SGCZ: variants seen among roughly 807,000 people sequenced by gnomAD.
The protein encoded by SGCZ is zeta-sarcoglycan.
In SGCZ, 40 loss-of-function variants were observed where a neutral mutation model predicts 41.3. That is an observed-to-expected ratio of 0.97 (90% CI 0.75 to 1.26). The LOEUF (loss-of-function observed/expected upper bound fraction) is 1.26. Among genes scored for constraint, SGCZ ranks in the 50% most tolerant of loss-of-function variants. The pLI is 0.00. For missense variants in SGCZ, 552 were observed against 369.8 expected (o/e 1.49, Z -4.04); for synonymous variants, 206 against 137.5 (o/e 1.50, Z -3.49).
intron 5 of SGCZ, among the ~76,000 whole-genome samples, chr8:14,139,623 C>T (rs1421855283): frequency 5.3e-5 from 8 of 152,100 alleles, no homozygotes; most frequent in African/African-American, 1.4e-4. Context: ...CATACACCCT[C>T]GCAAGACTAA....
At chr8:14,240,901 A>G (rs1214603341) in intron 3 of SGCZ, among the ~76,000 whole-genome samples, 3 of 152,202 alleles carry the variant, frequency 2.0e-5, no homozygotes, top group African/African-American at 7.2e-5. Flanking sequence ...AATACGTATA[A>G]TGATGAAAAA....
chr8:14,648,316 T>C (rs2117448625), intron 1 of SGCZ, among the ~76,000 whole-genome samples: 1 of 152,248 alleles, frequency 6.6e-6, no homozygotes, highest in South Asian at 2.1e-4. Flanking sequence ...TTTCATTCTG[T>C]AGCTTTGTAT....
intron 2 of SGCZ, among the ~76,000 whole-genome samples, chr8:14,447,524 G>T (rs747737439): frequency 9.2e-5 from 14 of 152,100 alleles, no homozygotes; most frequent in Non-Finnish European, 1.9e-4. Context: ...ATGTAATTAA[G>T]GAGTCAGTAG....
intron 4 of SGCZ, among the ~76,000 whole-genome samples, chr8:14,225,684 C>A (rs907058181): frequency 1.3e-5 from 2 of 151,992 alleles, no homozygotes; most frequent in African/African-American, 4.8e-5. Context: ...GTATAATGAG[C>A]ACATAACACA....
intron 2 of SGCZ, among the ~76,000 whole-genome samples, chr8:14,551,579 TAATATATATAATATATA>T (rs1803859389): frequency 3.4e-5 from 1 of 29,202 alleles, no homozygotes; most frequent in Non-Finnish European, 5.3e-5. Context: ...AATATATATA[TAATATATATAATATATA>T]TTATATATAT....
At chr8:14,153,176 T>C (rs1803763254) in intron 5 of SGCZ, among the ~76,000 whole-genome samples, 1 of 152,208 alleles carries the variant, frequency 6.6e-6, no homozygotes, top group Non-Finnish European at 1.5e-5. Context: ...ACTAGGTGAA[T>C]GTTGCAGATT....
At chr8:14,757,684 C>T (rs1176701837) in intron 1 of SGCZ, among the ~76,000 whole-genome samples, 1 of 152,158 alleles carries the variant, frequency 6.6e-6, no homozygotes, top group South Asian at 2.1e-4. Flanking sequence ...CTCTAGCCAT[C>T]CTTATCACAA....
intron 5 of SGCZ, among the ~76,000 whole-genome samples, chr8:14,142,346 CACAT>C (rs1395083929): frequency 3.3e-5 from 5 of 151,896 alleles, no homozygotes; most frequent in Non-Finnish European, 7.4e-5. Context: ...AATATGAAAA[CACAT>C]ACACACAAAT....
intron 1 of SGCZ, among the ~76,000 whole-genome samples, chr8:14,775,992 A>T (rs981086918): frequency 6.6e-6 from 1 of 152,200 alleles, no homozygotes; most frequent in African/African-American, 2.4e-5. Context: ...CATCGTGGAA[A>T]CACAGAAACG....
intron 1 of SGCZ, among the ~76,000 whole-genome samples, chr8:15,046,842 T>C (rs1376527332): frequency 1.3e-5 from 2 of 152,048 alleles, no homozygotes; most frequent in Admixed American, 6.6e-5. Context: ...CCCCTTTACA[T>C]ATTTGTAACT....
intron 1 of SGCZ, among the ~76,000 whole-genome samples, chr8:14,996,401 T>C (rs766498191): frequency 2.0e-5 from 3 of 152,186 alleles, no homozygotes; most frequent in Admixed American, 6.5e-5. Flanking sequence ...TATTTTATTT[T>C]GTTTTTGTTT....
At chr8:14,813,892 G>A (rs1801812852) in intron 1 of SGCZ, among the ~76,000 whole-genome samples, 1 of 152,160 alleles carries the variant, frequency 6.6e-6, no homozygotes, top group Non-Finnish European at 1.5e-5. Context: ...GGCAGAGGTT[G>A]CAGTGAGCCA....
chr8:14,685,835 G>A (rs1276439215), intron 1 of SGCZ, among the ~76,000 whole-genome samples: 1 of 152,024 alleles, frequency 6.6e-6, no homozygotes, highest in Non-Finnish European at 1.5e-5. Flanking sequence ...GTCAATAAAT[G>A]TTCATTAAAC....
intron 1 of SGCZ, among the ~76,000 whole-genome samples, chr8:14,645,068 T>C (rs1255170911): frequency 6.6e-6 from 1 of 151,670 alleles, no homozygotes; most frequent in African/African-American, 2.4e-5. Context: ...GGCTTAGGAA[T>C]TTTTATATTT....
intron 1 of SGCZ, among the ~76,000 whole-genome samples, chr8:15,041,171 G>A (rs1200243587): frequency 6.6e-6 from 1 of 151,266 alleles, no homozygotes; most frequent in Non-Finnish European, 1.5e-5. Flanking sequence ...ATAACATAGA[G>A]TTAAATTAGA....
intron 1 of SGCZ, among the ~76,000 whole-genome samples, chr8:14,621,632 C>G (rs1806289738): frequency 6.6e-6 from 1 of 152,054 alleles, no homozygotes; most frequent in Admixed American, 6.6e-5. Flanking sequence ...GAGGCTTATA[C>G]ATCTTCACAA....
At chr8:14,554,616 A>C in intron 2 of SGCZ, 116 bp downstream of exon 2, 1 of 879,612 alleles carries the variant, frequency 1.1e-6, no homozygotes. Flanking sequence ...TTGGGATTTA[A>C]AAACACACAC....
At chr8:14,311,428 T>C (rs1801539906) in intron 3 of SGCZ, among the ~76,000 whole-genome samples, 1 of 152,100 alleles carries the variant, frequency 6.6e-6, no homozygotes, top group Non-Finnish European at 1.5e-5. Flanking sequence ...GACAGGAGGA[T>C]ATGGGTGCTG....
At chr8:15,151,500 G>C (rs1206234757) in intron 1 of SGCZ, among the ~76,000 whole-genome samples, 1 of 152,124 alleles carries the variant, frequency 6.6e-6, no homozygotes, top group East Asian at 1.9e-4. Flanking sequence ...AATGAATGAG[G>C]TTGAAAATGT....
Sources: gnomAD v4.1 joint callset for allele counts (sites outside exome capture counted in the v4.1 genomes callset) on GRCh38, gnomAD v4.1.1 for gene constraint, MANE v1.5 for transcripts, NCBI Gene and HGNC (gene_info 2026-07-23, HGNC 2026-07-21) for gene names.